The following DYNC2H1 variants were observed in gnomAD, a reference collection of about 807,000 sequenced individuals.
DYNC2H1 encodes the protein dynein cytoplasmic 2 heavy chain 1, also known as cytoplasmic dynein 2 heavy chain 1.
In DYNC2H1, 410 loss-of-function variants were observed where a neutral mutation model predicts 570.0. The ratio of observed to expected loss-of-function variants is 0.72; its 90% CI spans 0.66 to 0.78. The LOEUF is 0.78. Among genes scored for constraint, DYNC2H1 ranks in the 30% least tolerant of loss-of-function variants. DYNC2H1 has a pLI of 0.00. For synonymous variants in DYNC2H1, 1,688 were observed against 1,677.6 expected (o/e 1.01, Z -0.15); for missense variants, 4,865 against 5,046.4 (o/e 0.96, Z 1.09).
At chr11:103,440,181 G>A (rs1449320548) in intron 85 of DYNC2H1, among the ~76,000 whole-genome samples, 1 of 152,082 alleles carries the variant, frequency 6.6e-6, no homozygotes, top group African/African-American at 2.4e-5. Flanking sequence ...AGGATATAGA[G>A]AGAGATCTTT....
intron 88 of DYNC2H1, among the ~76,000 whole-genome samples, 192 bp downstream of exon 88, chr11:103,468,897 A>AT (rs1945279740): frequency 6.6e-6 from 1 of 152,194 alleles, no homozygotes; most frequent in African/African-American, 2.4e-5. Flanking sequence ...GAAAACCTTG[A>AT]TTTTGTTATA....
intron 61 of DYNC2H1, among the ~76,000 whole-genome samples, chr11:103,234,503 T>G (rs72971557): frequency 0.031 from 4,670 of 152,104 alleles, 103 homozygotes; most frequent in Non-Finnish European, 0.043. Flanking sequence ...GTTGGCTATT[T>G]ATTTTTTCTT....
chr11:103,476,787 G>GA (rs1211838332), intron 88 of DYNC2H1, among the ~76,000 whole-genome samples: 1 of 152,060 alleles, frequency 6.6e-6, no homozygotes, highest in Non-Finnish European at 1.5e-5. Flanking sequence ...AGCAGGATTG[G>GA]AAAAGATAAT....
chr11:103,320,925 G>T, intron 80 of DYNC2H1, 104 bp from the exon 81 acceptor site: 1 of 833,056 alleles, frequency 1.2e-6, no homozygotes, highest in Non-Finnish European at 1.8e-6. Context: ...AAATGATTTA[G>T]TTGTATTAAA....
At position 103,479,361 on chromosome 11, in the gene DYNC2H1, A is replaced by T; in HGVS notation, c.*108A>T. 7.7e-7 allele frequency: 1 copy of T among 1,291,240 alleles called. No individual in the cohort carries two copies. Among genetic ancestry groups the T allele is most frequent in the Non-Finnish European group, 1.0e-6 (1 of 975,488 alleles). The allele number at this position is 1,291,240 out of a possible 1,614,324, so 80.0% of individuals were successfully genotyped here. A position where few individuals can be genotyped will look rare whatever the true frequency, so the allele number is the denominator to read the frequency against. On this transcript the variant is annotated 3_prime_UTR_variant, in exon 89 of 89. Coordinates refer to ENST00000375735, the MANE Select transcript of DYNC2H1 (RefSeq NM_001377.3). Reference sequence around the variant, plus strand: ...TTTGAAATGTTAGTTCAAAATATTAACATATAGTTATGTTGTTGATGTCAC... The same window carrying T: ...TTTGAAATGTTAGTTCAAAATATTATCATATAGTTATGTTGTTGATGTCAC...
intron 70 of DYNC2H1, among the ~76,000 whole-genome samples, chr11:103,276,670 T>C (rs1195286623): frequency 1.3e-5 from 2 of 152,252 alleles, no homozygotes; most frequent in East Asian, 3.9e-4. Context: ...CATATATGTA[T>C]GTTTTTATAA....
intron 70 of DYNC2H1, among the ~76,000 whole-genome samples, chr11:103,260,622 T>TTA (rs1865237168): frequency 6.7e-6 from 1 of 149,556 alleles, no homozygotes; most frequent in South Asian, 2.1e-4. Flanking sequence ...ACTTAGAATT[T>TTA]TTTTTTTTTT....
chr11:103,319,865 G>A lies in DYNC2H1; in HGVS notation c.11726-1164G>A, dbSNP rs11225712. On this transcript the variant is annotated intron_variant, in intron 80 of 88. Transcript: ENST00000375735. This position sits in a 1 kb window ranked among gnomAD's most constrained non-coding sequence, Gnocchi z 4.3. ...CAGGACAACTAGAAATTTGAGTCCTGGTGAAGTCCTTTGTTTAGTCACTGT... is the reference window on the plus strand; with the variant it reads ...CAGGACAACTAGAAATTTGAGTCCTAGTGAAGTCCTTTGTTTAGTCACTGT... 0.17 allele frequency among the ~76,000 whole-genome samples: 25,147 copies of A among 151,844 alleles called. 2,246 individuals carry two copies. The highest frequency in any genetic ancestry group is 0.26 in the Admixed American group (3,891 of 15,252).
chr11:103,374,735 A>T (rs1941321629), intron 83 of DYNC2H1, among the ~76,000 whole-genome samples: 1 of 152,154 alleles, frequency 6.6e-6, no homozygotes. Context: ...GGAACTTTGA[A>T]CTTGAGAGAG....
intron 29 of DYNC2H1, 40 bp downstream of exon 29, chr11:103,161,084 A>T: frequency 8.9e-7 from 1 of 1,122,846 alleles, no homozygotes; most frequent in Non-Finnish European, 1.2e-6. Flanking sequence ...AAAAAGAATT[A>T]ACTATATATG....
chr11:103,329,406 T>A (rs1021702449), intron 82 of DYNC2H1, among the ~76,000 whole-genome samples: 1 of 109,728 alleles, frequency 9.1e-6, no homozygotes, highest in Non-Finnish European at 2.0e-5. Flanking sequence ...ATCATCTCTG[T>A]AGAATGTTGG....
intron 70 of DYNC2H1, among the ~76,000 whole-genome samples, chr11:103,260,526 T>C (rs1865230521): frequency 6.6e-6 from 1 of 152,208 alleles, no homozygotes; most frequent in East Asian, 1.9e-4. Context: ...ACAGAAGTCT[T>C]CATATTACGT....
intron 17 of DYNC2H1, among the ~76,000 whole-genome samples, chr11:103,137,461 C>T (rs1040130840): frequency 3.9e-5 from 6 of 152,030 alleles, no homozygotes; most frequent in East Asian, 3.9e-4. Flanking sequence ...CCAGTTTTCC[C>T]AGCACCATTT....
rs1158889340 is a variant in DYNC2H1, at chr11:103,249,979, A to G, written c.10043-3306A>G. Reference sequence around the variant, plus strand: ...GCCTAACACAAGCCAAAATCCTCTAACAAGCCTCTATTAAGTCCTTTGTAC... The same window carrying G: ...GCCTAACACAAGCCAAAATCCTCTAGCAAGCCTCTATTAAGTCCTTTGTAC... On this transcript the variant is annotated intron_variant, in intron 65 of 88. Transcript: ENST00000375735. This position sits in a 1 kb window ranked among gnomAD's most constrained non-coding sequence, Gnocchi z 4.6. 6.6e-6 allele frequency among the ~76,000 whole-genome samples: 1 copy of G among 152,036 alleles called. No homozygotes were observed. The highest frequency in any genetic ancestry group is 3.2e-3 in the Middle Eastern group (1 of 316).
chr11:103,453,819 TG>T (rs1225699270), intron 85 of DYNC2H1, among the ~76,000 whole-genome samples: 1 of 151,646 alleles, frequency 6.6e-6, no homozygotes, highest in African/African-American at 2.4e-5. Flanking sequence ...AAGTATAATT[TG>T]TTGATTATGT....
intron 59 of DYNC2H1, among the ~76,000 whole-genome samples, chr11:103,226,082 T>C (rs1210255709): frequency 6.6e-6 from 1 of 152,142 alleles, no homozygotes; most frequent in African/African-American, 2.4e-5. Flanking sequence ...AACTTTGCTG[T>C]ATTCATTTAC....
intron 83 of DYNC2H1, among the ~76,000 whole-genome samples, chr11:103,375,284 G>T (rs796493617): frequency 4.6e-5 from 7 of 152,346 alleles, no homozygotes; most frequent in African/African-American, 1.4e-4. Context: ...GAAGTCTGCT[G>T]TAGGGTTGGA....
At position 103,222,252 on chromosome 11, in the gene DYNC2H1, C is replaced by T. The variant is rs669969; in HGVS notation, c.9231+99C>T. The T allele has an allele frequency of 0.91, 710,647 of 777,674 alleles. 325,199 individuals are homozygous for T. Among genetic ancestry groups the T allele is most frequent in the Admixed American group, 0.94 (26,597 of 28,314 alleles). The allele number at this position is 777,674 out of a possible 1,614,324, so 48.2% of individuals were successfully genotyped here. A position where few individuals can be genotyped will look rare whatever the true frequency, so the allele number is the denominator to read the frequency against. ...TGTCATTGCCAACTGTTTAGATCAC[C>T]TAAAAATGAAAATAAAAAATAAGCT... On this transcript the variant is annotated intron_variant, in intron 58 of 88. Coordinates refer to ENST00000375735, the MANE Select transcript of DYNC2H1 (RefSeq NM_001377.3).
intron 71 of DYNC2H1, among the ~76,000 whole-genome samples, chr11:103,281,575 A>G (rs1318668979): frequency 6.6e-6 from 1 of 151,800 alleles, no homozygotes; most frequent in South Asian, 2.1e-4. Flanking sequence ...ATTTTCATAT[A>G]TTTTGCTTAT....
Sources: gnomAD v4.1 joint callset for allele counts (sites outside exome capture counted in the v4.1 genomes callset) on GRCh38, gnomAD v4.1.1 for gene constraint, Gnocchi (gnomAD v3.1) non-coding constraint, MANE v1.5 for transcripts, NCBI Gene and HGNC (gene_info 2026-07-23, HGNC 2026-07-21) for gene names.